Variants in FRMPD4 observed in about 807,000 individuals in gnomAD.
FRMPD4 encodes the protein FERM and PDZ domain containing 4.
Under a neutral mutation model 94.1 loss-of-function variants are expected in FRMPD4, and 22 were observed. The ratio of observed to expected loss-of-function variants is 0.23; its 90% CI spans 0.17 to 0.33. The LOEUF is 0.33. FRMPD4 is among the 10% of genes least tolerant of loss of function. FRMPD4 has a pLI of 1.00. For synonymous variants in FRMPD4, 631 were observed against 548.6 expected (o/e 1.15, Z -2.10); for missense variants, 1,111 against 1,339.9 (o/e 0.83, Z 2.67).
intron 3 of FRMPD4, among the ~76,000 whole-genome samples, chrX:12,053,581 AC>A (rs768389381): frequency 1.7e-3 from 193 of 110,760 alleles, no homozygotes; most frequent in Non-Finnish European, 2.1e-3. Flanking sequence ...TTCATATTGG[AC>A]CAAGCTCAAT....
At position 12,437,234 on chromosome X, in the gene FRMPD4, A is replaced by C. The variant is rs761388255; in HGVS notation, c.42-61446A>C. Among the ~76,000 whole-genome samples the C allele has an allele frequency of 5.9e-4, 65 of 110,739 alleles. No individual in the cohort carries two copies. In the South Asian group the frequency reaches 0.025, roughly 42 times the overall value. On this transcript the variant is annotated intron_variant, in intron 1 of 16. Coordinates refer to ENST00000675598, the MANE Select transcript of FRMPD4 (RefSeq NM_001368397.1). ...TAGTAGTTGCCCTCCCAAACAAGAC[A>C]CTTTAGCTTCCCTACAATAGTCCCA...
At chrX:12,378,983 C>A (rs952733728) in intron 1 of FRMPD4, among the ~76,000 whole-genome samples, 2 of 111,533 alleles carry the variant, frequency 1.8e-5, no homozygotes, top group African/African-American at 3.3e-5. Context: ...AGTAGTGGTT[C>A]TAATTGTTTA....
chrX:12,146,733 T>A, intron 1 of FRMPD4, among the ~76,000 whole-genome samples: 1 of 112,764 alleles, frequency 8.9e-6, no homozygotes, highest in Non-Finnish European at 1.9e-5. Context: ...TTAGCGAAGA[T>A]AATTTCACTG....
chrX:12,476,522 C>A (rs2057600573), intron 1 of FRMPD4, among the ~76,000 whole-genome samples: 1 of 110,617 alleles, frequency 9.0e-6, no homozygotes, highest in South Asian at 3.9e-4. Context: ...TCAGAGTGAA[C>A]AGGCAACCTA....
intron 1 of FRMPD4, among the ~76,000 whole-genome samples, chrX:11,833,861 CT>C (rs1296490655): frequency 9.0e-6 from 1 of 111,637 alleles, no homozygotes; most frequent in Non-Finnish European, 1.9e-5. Flanking sequence ...AGCCTATGAG[CT>C]TCTTCTTTTT....
chrX:12,487,192 G>C (rs2057748183), intron 1 of FRMPD4, among the ~76,000 whole-genome samples: 1 of 111,481 alleles, frequency 9.0e-6, no homozygotes, highest in Non-Finnish European at 1.9e-5. Flanking sequence ...AAGGAGGCAT[G>C]ATGGTCATAT....
At chrX:12,626,638 C>T (rs1236494911) in intron 4 of FRMPD4, among the ~76,000 whole-genome samples, 1 of 98,372 alleles carries the variant, frequency 1.0e-5, no homozygotes, top group Non-Finnish European at 2.0e-5. Context: ...CATAGACACA[C>T]TCCCTTTTTT....
chrX:12,465,778 T>C (rs149042267), intron 1 of FRMPD4, among the ~76,000 whole-genome samples: 110 of 112,474 alleles, frequency 9.8e-4, no homozygotes, highest in African/African-American at 3.3e-3. Context: ...GTTGTCATTA[T>C]TGAGAACAAG....
intron 3 of FRMPD4, among the ~76,000 whole-genome samples, chrX:11,932,690 T>TA (rs137926332): frequency 0.37 from 35,301 of 95,696 alleles, 5,274 homozygotes; most frequent in East Asian, 0.81. Context: ...AAAACAAACA[T>TA]AAAAAAAAAA....
chrX:11,888,375 A>G (rs2053857263), intron 3 of FRMPD4, among the ~76,000 whole-genome samples: 1 of 112,169 alleles, frequency 8.9e-6, no homozygotes, highest in Non-Finnish European at 1.9e-5. Flanking sequence ...TCTATAGCAT[A>G]TATTTTACAA....
intron 1 of FRMPD4, among the ~76,000 whole-genome samples, chrX:12,212,899 GTTGGT>G (rs2056769161): frequency 9.0e-6 from 1 of 111,508 alleles, no homozygotes; most frequent in Non-Finnish European, 1.9e-5. Flanking sequence ...CAGTTCTTTG[GTTGGT>G]TTCTTCTGAG....
At chrX:12,250,948 G>A (rs992882542) in intron 1 of FRMPD4, among the ~76,000 whole-genome samples, 1 of 111,779 alleles carries the variant, frequency 8.9e-6, no homozygotes, top group African/African-American at 3.3e-5. Flanking sequence ...TCTGACCAGG[G>A]CACCAAAGCG....
intron 8 of FRMPD4, 30 bp from the exon 9 acceptor site, chrX:12,694,305 G>T: frequency 8.4e-7 from 1 of 1,183,856 alleles, no homozygotes. Flanking sequence ...AGCACTGAAG[G>T]GTTCTTGTGT....
At chrX:12,163,496 G>T in intron 1 of FRMPD4, among the ~76,000 whole-genome samples, 1 of 104,185 alleles carries the variant, frequency 9.6e-6, no homozygotes, top group Non-Finnish European at 1.9e-5. Context: ...AAATAGAGTG[G>T]CTCTTGAGAC....
At chrX:11,895,305 A>G (rs1000231065) in intron 3 of FRMPD4, among the ~76,000 whole-genome samples, 4 of 111,764 alleles carry the variant, frequency 3.6e-5, no homozygotes, top group African/African-American at 1.3e-4. Flanking sequence ...AGGCATGGCA[A>G]AATATGCCCT....
At chrX:12,113,915 T>C (rs1162255824) in intron 3 of FRMPD4, among the ~76,000 whole-genome samples, 1 of 112,208 alleles carries the variant, frequency 8.9e-6, no homozygotes, top group African/African-American at 3.2e-5. Context: ...AGAGGACCTT[T>C]TGCATAGATA....
chrX:11,897,399 C>G, intron 3 of FRMPD4, among the ~76,000 whole-genome samples: 1 of 111,043 alleles, frequency 9.0e-6, no homozygotes, highest in East Asian at 2.8e-4. Context: ...ATAAATGGTA[C>G]AGTTCCTGGG....
chrX:12,026,890 G>C (rs1008388493), intron 3 of FRMPD4, among the ~76,000 whole-genome samples: 3 of 112,359 alleles, frequency 2.7e-5, no homozygotes, highest in Non-Finnish European at 5.6e-5. Context: ...TAATGGTGTA[G>C]GATTTCTCTT....
chrX:12,045,337 T>A (rs1473512036), intron 3 of FRMPD4, among the ~76,000 whole-genome samples: 1 of 112,031 alleles, frequency 8.9e-6, no homozygotes, highest in Non-Finnish European at 1.9e-5. Context: ...TCTCTCCAAA[T>A]ATGTTTGATG....
Sources: gnomAD v4.1 joint callset for allele counts (sites outside exome capture counted in the v4.1 genomes callset) on GRCh38, gnomAD v4.1.1 for gene constraint, MANE v1.5 for transcripts, NCBI Gene and HGNC (gene_info 2026-07-23, HGNC 2026-07-21) for gene names.